PRELID2: variants seen among roughly 807,000 people sequenced by gnomAD.
PRELID2 encodes the protein PRELI domain containing 2.
In PRELID2, 25 loss-of-function variants were observed where a neutral mutation model predicts 28.4. The ratio of observed to expected loss-of-function variants is 0.88; its 90% CI spans 0.64 to 1.23. PRELID2 has a LOEUF of 1.23. PRELID2 is among the 50% of genes most tolerant of loss of function. The probability of loss-of-function intolerance (pLI) is 0.00; values close to 1 mark genes in which losing one functional copy is unlikely to be tolerated. For missense variants in PRELID2, 201 were observed against 214.4 expected (o/e 0.94, Z 0.39); for synonymous variants, 76 against 71.6 (o/e 1.06, Z -0.31).
chr5:145,702,247 T>C (rs1406312818), intron 1 of PRELID2, among the ~76,000 whole-genome samples: 1 of 152,190 alleles, frequency 6.6e-6, no homozygotes, highest in Non-Finnish European at 1.5e-5. Context: ...CATCTGAGTA[T>C]GGTGTTCAAG....
At chr5:145,390,690 T>C in the PRELID2 span, among the ~76,000 whole-genome samples, 1 of 152,198 alleles carries the variant, frequency 6.6e-6, no homozygotes, top group South Asian at 2.1e-4. Flanking sequence ...CCGTCATCCC[T>C]TTCTAACAAG....
the PRELID2 span, among the ~76,000 whole-genome samples, chr5:145,308,786 T>C: frequency 2.0e-5 from 3 of 152,202 alleles, no homozygotes; most frequent in Non-Finnish European, 2.9e-5. Flanking sequence ...TCAAATAGGA[T>C]AGGAATGCTT....
the PRELID2 span, among the ~76,000 whole-genome samples, chr5:145,373,907 T>G: frequency 7.5e-6 from 1 of 133,290 alleles, no homozygotes; most frequent in Non-Finnish European, 1.5e-5. Context: ...ACAACATATA[T>G]AATATATATG....
the PRELID2 span, among the ~76,000 whole-genome samples, chr5:145,319,550 A>G: frequency 6.6e-6 from 1 of 152,084 alleles, no homozygotes; most frequent in Non-Finnish European, 1.5e-5. Context: ...GGGCGCCTGT[A>G]GTCCCAGCTA....
rs747206467 is a variant in PRELID2, at chr5:145,835,296, C to G, written c.-45G>C. 2.7e-5 allele frequency: 38 copies of G among 1,397,826 alleles called. 1 individual carries two copies. In the South Asian group the frequency reaches 4.5e-4, roughly 17 times the overall value. 86.6% of individuals were successfully genotyped at this position (1,397,826 alleles called of 1,614,324 possible). A position where few individuals can be genotyped will look rare whatever the true frequency, so the allele number is the denominator to read the frequency against. On this transcript the variant is annotated 5_prime_UTR_variant, in exon 1 of 7. Coordinates refer to ENST00000683046, the MANE Select transcript of PRELID2 (RefSeq NM_205846.3). Reference sequence around the variant, plus strand: ...CGCGCACCGGCCACGCCTCCGCGAGCTCAGAGCTGCCCAGGGCTCCGCAGA... The same window carrying G: ...CGCGCACCGGCCACGCCTCCGCGAGGTCAGAGCTGCCCAGGGCTCCGCAGA...
At chr5:145,273,919 G>T in the PRELID2 span, among the ~76,000 whole-genome samples, 1 of 152,114 alleles carries the variant, frequency 6.6e-6, no homozygotes, top group African/African-American at 2.4e-5. Context: ...GTACTGAGGT[G>T]AGAAGGAGTT....
At chr5:145,598,894 CT>C (rs1263328290) in intron 1 of PRELID2, among the ~76,000 whole-genome samples, 1 of 152,146 alleles carries the variant, frequency 6.6e-6, no homozygotes, top group Non-Finnish European at 1.5e-5. Context: ...AAAGAGATGA[CT>C]GTTAAGCTAA....
chr5:145,441,035 G>A, the PRELID2 span: 1 of 152,078 alleles, frequency 6.6e-6, no homozygotes, highest in Non-Finnish European at 1.5e-5. Flanking sequence ...AATATTGGAT[G>A]TCATCAGCAT....
intron 1 of PRELID2, among the ~76,000 whole-genome samples, chr5:145,646,604 G>A (rs1754200016): frequency 6.6e-6 from 1 of 152,096 alleles, no homozygotes; most frequent in Non-Finnish European, 1.5e-5. Flanking sequence ...TCCTTTGGAG[G>A]AAAAAAGCCG....
intron 1 of PRELID2, among the ~76,000 whole-genome samples, chr5:145,569,245 A>T (rs1269245419): frequency 6.6e-6 from 1 of 152,236 alleles, no homozygotes; most frequent in Non-Finnish European, 1.5e-5. Context: ...ATTCTTACAG[A>T]TGAATTAATA....
At chr5:145,467,136 T>C (rs1752009756), downstream of PRELID2, among the ~76,000 whole-genome samples, 1 of 152,136 alleles carries the variant, frequency 6.6e-6, no homozygotes, top group East Asian at 1.9e-4. Flanking sequence ...TACTTCACAG[T>C]CCTTCTGGTT....
the PRELID2 span, among the ~76,000 whole-genome samples, chr5:145,422,404 A>C: frequency 1.3e-5 from 2 of 152,084 alleles, no homozygotes; most frequent in South Asian, 2.1e-4. Flanking sequence ...TTGCTTTGTG[A>C]ATCTTGGTGC....
At chr5:145,326,159 C>T in the PRELID2 span, among the ~76,000 whole-genome samples, 1 of 152,120 alleles carries the variant, frequency 6.6e-6, no homozygotes, top group Non-Finnish European at 1.5e-5. Flanking sequence ...CATGTGCCAC[C>T]ATACCTGGCT....
rs1561654040 is a variant in PRELID2, at chr5:145,824,467, A to G, written c.76-1333T>C. Among the ~76,000 whole-genome samples, 265 of 49,732 alleles carry G rather than the reference A, an allele frequency of 5.3e-3. 2 individuals carry two copies. The Middle Eastern group carries it at 0.085, about 16-fold the overall frequency. 32.6% of individuals were successfully genotyped at this position (49,732 alleles called of 152,430 possible). A position where few individuals can be genotyped will look rare whatever the true frequency, so the allele number is the denominator to read the frequency against. The stretch of plus-strand genomic sequence containing the variant: ...GTGTGTGTGTGTGTGTGTGTGTGAT[A>G]TTGATTTATTAATGGATTTTTCAGG... On this transcript the variant is annotated intron_variant, in intron 1 of 6. Transcript: ENST00000683046.
chr5:145,445,368 A>G, the PRELID2 span, among the ~76,000 whole-genome samples: 4 of 152,230 alleles, frequency 2.6e-5, no homozygotes, highest in Admixed American at 2.6e-4. Flanking sequence ...CATCCTATTC[A>G]AAAATCAACT....
chr5:145,404,344 A>C, the PRELID2 span, among the ~76,000 whole-genome samples: 5 of 152,342 alleles, frequency 3.3e-5, no homozygotes, highest in South Asian at 1.0e-3. Flanking sequence ...CAACACAAGC[A>C]ACAGAGACTG....
At chr5:145,257,481 G>C in the PRELID2 span, among the ~76,000 whole-genome samples, 1 of 151,954 alleles carries the variant, frequency 6.6e-6, no homozygotes, top group African/African-American at 2.4e-5. Context: ...AAAGTAGGTA[G>C]GACTTATAGA....
the PRELID2 span, among the ~76,000 whole-genome samples, chr5:145,380,911 A>G: frequency 1.3e-5 from 2 of 152,242 alleles, no homozygotes; most frequent in African/African-American, 4.8e-5. Context: ...ACTATGGGAC[A>G]CAGGTTTTAT....
the PRELID2 span, among the ~76,000 whole-genome samples, chr5:145,255,938 A>G: frequency 6.6e-6 from 1 of 151,936 alleles, no homozygotes; most frequent in South Asian, 2.1e-4. Context: ...GGAAAAAAGA[A>G]ATAGAGATAA....
Sources: allele counts gnomAD v4.1 joint callset (sites outside exome capture counted in the v4.1 genomes callset), GRCh38; gene constraint gnomAD v4.1.1; transcripts MANE v1.5; gene names NCBI Gene and HGNC (gene_info 2026-07-23, HGNC 2026-07-21).